The following ABCC9 variants were observed in gnomAD, a reference collection of about 807,000 sequenced individuals.
The protein encoded by ABCC9 is ATP-binding cassette sub-family C member 9.
Under a neutral mutation model 188.3 loss-of-function variants are expected in ABCC9, and 95 were observed. The ratio of observed to expected loss-of-function variants is 0.50; its 90% CI spans 0.43 to 0.60. ABCC9 has a LOEUF of 0.60. ABCC9 is among the 20% of genes least tolerant of loss of function. The pLI, the probability that ABCC9 is intolerant of heterozygous loss-of-function variation, is 0.00. For synonymous variants in ABCC9, 659 were observed against 652.7 expected (o/e 1.01, Z -0.15); for missense variants, 1,102 against 1,876.3 (o/e 0.59, Z 7.62).
intron 29 of ABCC9, among the ~76,000 whole-genome samples, chr12:21,839,031 TAAAAC>T (rs1944245621): frequency 6.6e-6 from 1 of 152,022 alleles, no homozygotes; most frequent in Admixed American, 6.6e-5. Flanking sequence ...GTCTCAAAAA[TAAAAC>T]AGAAAGAAGG....
chr12:21,906,519 CT>C, intron 11 of ABCC9, among the ~76,000 whole-genome samples: 1 of 152,204 alleles, frequency 6.6e-6, no homozygotes, highest in South Asian at 2.1e-4. Flanking sequence ...ATGTATGTCT[CT>C]GTTGCTTTGG....
At chr12:21,829,321 C>T (rs979748923) in intron 30 of ABCC9, among the ~76,000 whole-genome samples, 1 of 150,114 alleles carries the variant, frequency 6.7e-6, no homozygotes, top group Non-Finnish European at 1.5e-5. Context: ...TCTGCCTCAG[C>T]CTCCTGAGTA....
chr12:21,907,780 A>C (rs112243367), intron 11 of ABCC9, among the ~76,000 whole-genome samples: 1 of 152,032 alleles, frequency 6.6e-6, no homozygotes, highest in African/African-American at 2.4e-5. Context: ...AGTACGCTTA[A>C]GATTCTTTAG....
At chr12:21,899,794 G>C (rs1947626681) in intron 12 of ABCC9, among the ~76,000 whole-genome samples, 1 of 152,174 alleles carries the variant, frequency 6.6e-6, no homozygotes, top group African/African-American at 2.4e-5. Context: ...GGCTTGAGTA[G>C]GTAAACAGAG....
intron 22 of ABCC9, 55 bp from the exon 23 acceptor site, chr12:21,852,560 T>G: frequency 6.3e-7 from 1 of 1,585,122 alleles, no homozygotes; most frequent in Admixed American, 1.7e-5. Flanking sequence ...GTTACATAAC[T>G]CAATTCCTCT....
intron 16 of ABCC9, among the ~76,000 whole-genome samples, chr12:21,879,017 C>G (rs1565439464): frequency 2.0e-5 from 3 of 152,170 alleles, no homozygotes; most frequent in Non-Finnish European, 4.4e-5. Context: ...TGATGATCAT[C>G]ATAACGGGGT....
At chr12:21,935,236 A>C (rs1378197340) in intron 3 of ABCC9, among the ~76,000 whole-genome samples, 1 of 152,202 alleles carries the variant, frequency 6.6e-6, no homozygotes, top group Non-Finnish European at 1.5e-5. Flanking sequence ...TACAGTTAAA[A>C]AATCCATTTT....
chr12:21,935,429 C>A (rs1339561330), intron 3 of ABCC9, among the ~76,000 whole-genome samples: 2 of 152,032 alleles, frequency 1.3e-5, no homozygotes, highest in East Asian at 1.9e-4. Context: ...GTTCTTTAAT[C>A]CCCCTTAGAA....
chr12:21,922,192 C>T (rs1156480906), intron 5 of ABCC9, among the ~76,000 whole-genome samples: 1 of 151,942 alleles, frequency 6.6e-6, no homozygotes, highest in Non-Finnish European at 1.5e-5. Flanking sequence ...TTTTTCCAGT[C>T]CATGAATATG....
chr12:21,812,510 T>C (rs1942315553), intron 35 of ABCC9, among the ~76,000 whole-genome samples: 1 of 152,190 alleles, frequency 6.6e-6, no homozygotes, highest in Non-Finnish European at 1.5e-5. Flanking sequence ...CATGGAATAC[T>C]ATGCAGCCAT....
In ABCC9 at chr12:21,926,002, T is replaced by A; in HGVS notation, c.346A>T (p.Thr116Ser). 6.2e-7 allele frequency: 1 copy of A among 1,614,116 alleles called. No individual in the cohort carries two copies. The highest frequency in any genetic ancestry group is 8.5e-7 in the Non-Finnish European group (1 of 1,179,960). Residue 116 changes from threonine (T) to serine (S), a missense_variant, in exon 5 of 40, where the codon ACA becomes TCA. Physicochemically the swap from Thr to Ser is moderately conservative, Grantham distance 58. Transcript: ENST00000261200. Reference sequence around the variant, plus strand: ...TTATGATAATACACTATCGATGTTGTAGTGGCAACGAATCCCATCACGGCT... The same window carrying A: ...TTATGATAATACACTATCGATGTTGAAGTGGCAACGAATCCCATCACGGCT... ...MPAVMGFVAT[T>S]TSIVYYHNIE...
At chr12:21,828,623 G>C in intron 31 of ABCC9, 1 of 342,908 alleles carries the variant, frequency 2.9e-6, no homozygotes, top group Admixed American at 4.1e-5. Flanking sequence ...ACTCAGTGAA[G>C]GAAATGAGTA....
At chr12:21,928,219 C>CA (rs1319488501) in intron 4 of ABCC9, among the ~76,000 whole-genome samples, 4 of 106,376 alleles carry the variant, frequency 3.8e-5, no homozygotes, top group Non-Finnish European at 7.2e-5. Flanking sequence ...GACTCTGTCT[C>CA]AAAAAAAGAA....
chr12:21,871,911 T>C (rs1946101942), intron 18 of ABCC9, among the ~76,000 whole-genome samples: 1 of 152,236 alleles, frequency 6.6e-6, no homozygotes, highest in East Asian at 1.9e-4. Flanking sequence ...CATAAACTAC[T>C]TACGAGGAGT....
At chr12:21,934,253 A>T (rs1445433757) in intron 3 of ABCC9, among the ~76,000 whole-genome samples, 1 of 152,136 alleles carries the variant, frequency 6.6e-6, no homozygotes. Context: ...AAATAAGTTG[A>T]TGATAATAAT....
intron 33 of ABCC9, 133 bp from the exon 34 acceptor site, chr12:21,816,026 CTA>C (rs1022457646): frequency 1.3e-4 from 19 of 141,724 alleles, no homozygotes; most frequent in East Asian, 4.8e-4. Flanking sequence ...CTGAACCAAA[CTA>C]TGTGGCAGTT....
At chr12:21,936,886 T>G (rs1949510589) in intron 2 of ABCC9, among the ~76,000 whole-genome samples, 192 bp from the exon 3 acceptor site, 1 of 152,170 alleles carries the variant, frequency 6.6e-6, no homozygotes. Flanking sequence ...AGATCTTCTT[T>G]TCCATAGCTT....
chr12:21,809,041 C>T (rs1295921485), intron 37 of ABCC9, among the ~76,000 whole-genome samples: 1 of 151,964 alleles, frequency 6.6e-6, no homozygotes, highest in Non-Finnish European at 1.5e-5. Flanking sequence ...AAACTAGATG[C>T]CAAACACCAC....
chr12:21,841,250 T>G (rs1420084998), intron 29 of ABCC9, among the ~76,000 whole-genome samples: 1 of 151,846 alleles, frequency 6.6e-6, no homozygotes, highest in Non-Finnish European at 1.5e-5. Context: ...ATTCAACATC[T>G]CAGTAAATGA....
Sources: allele counts gnomAD v4.1 joint callset (sites outside exome capture counted in the v4.1 genomes callset), GRCh38; gene constraint gnomAD v4.1.1; transcripts MANE v1.5; gene names NCBI Gene and HGNC (gene_info 2026-07-23, HGNC 2026-07-21).